The following KAT2B variants were observed in gnomAD, a reference collection of about 807,000 sequenced individuals.
The protein encoded by KAT2B is histone acetyltransferase KAT2B.
KAT2B carries 36 observed loss-of-function variants against 105.9 expected under a neutral mutation model. The ratio of observed to expected loss-of-function variants is 0.34; its 90% CI spans 0.26 to 0.45. KAT2B has a LOEUF of 0.45. Among genes scored for constraint, KAT2B ranks in the 20% least tolerant of loss-of-function variants. KAT2B has a pLI of 1.00. For synonymous variants in KAT2B, 397 were observed against 377.9 expected (o/e 1.05, Z -0.59); for missense variants, 820 against 1,021.6 (o/e 0.80, Z 2.69).
At chr3:20,078,695 A>G (rs1331996820) in intron 2 of KAT2B, among the ~76,000 whole-genome samples, 1 of 148,336 alleles carries the variant, frequency 6.7e-6, no homozygotes. Context: ...ATATATGTGT[A>G]TATATATGTA....
At chr3:20,045,523 G>A (rs1031890753) in intron 1 of KAT2B, among the ~76,000 whole-genome samples, 4 of 151,708 alleles carry the variant, frequency 2.6e-5, no homozygotes, top group African/African-American at 9.7e-5. Context: ...CTTGGGATTG[G>A]GTTTTTAATG....
intron 2 of KAT2B, among the ~76,000 whole-genome samples, chr3:20,082,999 G>A (rs1395561921): frequency 6.6e-6 from 1 of 152,116 alleles, no homozygotes; most frequent in African/African-American, 2.4e-5. Context: ...AAACAGTAGG[G>A]GGTGCTTATT....
chr3:20,143,669 T>TA (rs1699732110), intron 13 of KAT2B, among the ~76,000 whole-genome samples: 1 of 152,158 alleles, frequency 6.6e-6, no homozygotes, highest in African/African-American at 2.4e-5. Context: ...AAAGAAAATG[T>TA]AGTACATATA....
chr3:20,070,746 C>T (rs534230061), intron 1 of KAT2B, among the ~76,000 whole-genome samples: 28 of 151,792 alleles, frequency 1.8e-4, no homozygotes, highest in Admixed American at 3.9e-4. Context: ...CGGTGGCGCA[C>T]GCCTGTAATA....
chr3:20,041,637 C>T (rs1414350629), intron 1 of KAT2B, among the ~76,000 whole-genome samples: 1 of 152,174 alleles, frequency 6.6e-6, no homozygotes, highest in Non-Finnish European at 1.5e-5. Flanking sequence ...GCTGGCCCTG[C>T]GCTGTCAGCA....
At chr3:20,066,703 G>A (rs1279308212) in intron 1 of KAT2B, among the ~76,000 whole-genome samples, 2 of 151,176 alleles carry the variant, frequency 1.3e-5, no homozygotes, top group Admixed American at 6.6e-5. Context: ...ACCTGGCTGG[G>A]ACATGAACTT....
At position 20,122,707 on chromosome 3, in the gene KAT2B, A is replaced by G; in HGVS notation, c.1316A>G (p.Glu439Gly). ...ATGACTGATTCTCATGTTCTGGAGG[A>G]GGCCAAGAAACCCCGAGTTATGGGG... ...RKMTDSHVLE[E>G]AKKPRVMGDI... is the part of the protein sequence containing the mutation. The change falls in exon 9 of 18, where the codon GAG becomes GGG. Residue 439 changes from glutamate to glycine, a missense_variant. Coordinates refer to ENST00000263754, the MANE Select transcript of KAT2B (RefSeq NM_003884.5). 6.2e-7 allele frequency: 1 copy of G among 1,614,044 alleles called. No homozygotes were observed. The highest frequency in any genetic ancestry group is 8.5e-7 in the Non-Finnish European group (1 of 1,179,938).
intron 11 of KAT2B, among the ~76,000 whole-genome samples, chr3:20,135,056 C>T (rs776451190): frequency 1.3e-5 from 2 of 152,140 alleles, no homozygotes; most frequent in Non-Finnish European, 2.9e-5. Flanking sequence ...GAATAGTATA[C>T]CTCTATACAC....
intron 7 of KAT2B, among the ~76,000 whole-genome samples, chr3:20,119,278 A>AT (rs34386078): frequency 0.21 from 28,627 of 134,526 alleles, 3,110 homozygotes; most frequent in African/African-American, 0.3. Context: ...CCAAATAGTG[A>AT]TTTTTTTTTT....
intron 1 of KAT2B, among the ~76,000 whole-genome samples, chr3:20,050,910 C>G (rs1419768435): frequency 6.6e-6 from 1 of 151,848 alleles, no homozygotes; most frequent in African/African-American, 2.4e-5. Context: ...GATAAGAAAT[C>G]AAGGAGGTGG....
At chr3:20,076,908 G>T (rs984912808) in intron 2 of KAT2B, among the ~76,000 whole-genome samples, 1 of 152,160 alleles carries the variant, frequency 6.6e-6, no homozygotes, top group African/African-American at 2.4e-5. Context: ...TTGTACACAC[G>T]AAATGAAATA....
intron 2 of KAT2B, among the ~76,000 whole-genome samples, chr3:20,092,302 C>T (rs1486284424): frequency 1.3e-5 from 2 of 151,528 alleles, no homozygotes; most frequent in African/African-American, 4.8e-5. Flanking sequence ...GATCTAGGCT[C>T]ACTGCAGCCT....
intron 1 of KAT2B, among the ~76,000 whole-genome samples, chr3:20,069,568 C>T (rs1478309749): frequency 6.8e-6 from 1 of 147,812 alleles, no homozygotes; most frequent in Non-Finnish European, 1.5e-5. Context: ...CTCTGTCGCT[C>T]AGGCTGGAGT....
At chr3:20,068,174 T>C (rs982367711) in intron 1 of KAT2B, among the ~76,000 whole-genome samples, 3 of 151,028 alleles carry the variant, frequency 2.0e-5, no homozygotes, top group African/African-American at 7.3e-5. Context: ...TTTTGTATTT[T>C]TAGTAGAGAT....
intron 2 of KAT2B, among the ~76,000 whole-genome samples, chr3:20,084,267 C>G (rs942289755): frequency 5.3e-5 from 8 of 152,180 alleles, no homozygotes; most frequent in African/African-American, 1.7e-4. Flanking sequence ...TCCACTCCAT[C>G]TACTTTCATT....
intron 2 of KAT2B, among the ~76,000 whole-genome samples, chr3:20,090,113 T>C (rs1246603821): frequency 2.0e-5 from 3 of 152,244 alleles, no homozygotes; most frequent in African/African-American, 7.2e-5. Context: ...GTGGTGTCTT[T>C]AGGGTTTTCT....
intron 11 of KAT2B, among the ~76,000 whole-genome samples, chr3:20,135,803 C>T (rs1401331926): frequency 3.9e-5 from 6 of 152,104 alleles, no homozygotes; most frequent in Non-Finnish European, 8.8e-5. Flanking sequence ...TCTTCAAAGG[C>T]TTGAAGGGCT....
chr3:20,092,685 G>A (rs1459037756), intron 2 of KAT2B, among the ~76,000 whole-genome samples: 2 of 150,966 alleles, frequency 1.3e-5, no homozygotes, highest in Non-Finnish European at 3.0e-5. Context: ...GCCCTTTTTG[G>A]TCTCTGTATC....
intron 2 of KAT2B, among the ~76,000 whole-genome samples, chr3:20,074,845 A>T (rs1698389351): frequency 6.6e-6 from 1 of 152,174 alleles, no homozygotes; most frequent in African/African-American, 2.4e-5. Flanking sequence ...TGTGCCTGTT[A>T]TGTGTTTAAC....
Sources: allele counts gnomAD v4.1 joint callset (sites outside exome capture counted in the v4.1 genomes callset), GRCh38; gene constraint gnomAD v4.1.1; transcripts MANE v1.5; gene names NCBI Gene and HGNC (gene_info 2026-07-23, HGNC 2026-07-21).